Variants in DPP10 observed in about 807,000 individuals in gnomAD.
DPP10 encodes the protein dipeptidyl peptidase like 10.
Under a neutral mutation model 120.9 loss-of-function variants are expected in DPP10, and 33 were observed. The ratio of observed to expected loss-of-function variants is 0.27; its 90% CI spans 0.21 to 0.37. The LOEUF is 0.37. Among genes scored for constraint, DPP10 ranks in the 10% least tolerant of loss-of-function variants. The pLI, the probability that DPP10 is intolerant of heterozygous loss-of-function variation, is 1.00. For missense variants in DPP10, 816 were observed against 942.8 expected (o/e 0.87, Z 1.76); for synonymous variants, 337 against 326.1 (o/e 1.03, Z -0.36).
intron 1 of DPP10, among the ~76,000 whole-genome samples, chr2:114,550,354 G>A (rs1687784673): frequency 6.6e-6 from 1 of 152,198 alleles, no homozygotes; most frequent in Admixed American, 6.5e-5. Flanking sequence ...ACAAATGTTA[G>A]ATCATTTACT....
intron 8 of DPP10, among the ~76,000 whole-genome samples, chr2:115,738,916 G>A (rs1676927641): frequency 6.6e-6 from 1 of 152,150 alleles, no homozygotes; most frequent in Admixed American, 6.6e-5. Context: ...AACATTTGCT[G>A]AGGTTAAGGG....
At chr2:115,628,465 G>C (rs1004731483) in intron 5 of DPP10, among the ~76,000 whole-genome samples, 14 of 152,210 alleles carry the variant, frequency 9.2e-5, no homozygotes, top group Admixed American at 8.5e-4. Context: ...CCATTCTGTA[G>C]GTTGTCTGTT....
intron 1 of DPP10, among the ~76,000 whole-genome samples, chr2:114,595,392 A>G (rs1262442289): frequency 2.0e-5 from 3 of 152,120 alleles, no homozygotes; most frequent in Admixed American, 6.6e-5. Context: ...ATCATCAATT[A>G]TACTTTGTGA....
chr2:115,802,711 G>T (rs1685413100), intron 19 of DPP10, among the ~76,000 whole-genome samples: 2 of 152,210 alleles, frequency 1.3e-5, no homozygotes, highest in South Asian at 4.1e-4. Context: ...TCAGGAGCAG[G>T]TTGTTTAGTT....
chr2:115,470,199 T>A (rs1211752633), intron 3 of DPP10, among the ~76,000 whole-genome samples: 1 of 152,184 alleles, frequency 6.6e-6, no homozygotes, highest in Admixed American at 6.6e-5. Flanking sequence ...AAAAAGAGAT[T>A]TCCCTGTTAG....
intron 1 of DPP10, among the ~76,000 whole-genome samples, chr2:115,078,710 G>T (rs1465683560): frequency 6.6e-6 from 1 of 152,198 alleles, no homozygotes; most frequent in African/African-American, 2.4e-5. Context: ...TATACAACAC[G>T]GGATTGGTCA....
At chr2:114,928,310 A>G (rs1427298555) in intron 1 of DPP10, among the ~76,000 whole-genome samples, 1 of 152,242 alleles carries the variant, frequency 6.6e-6, no homozygotes, top group East Asian at 1.9e-4. Flanking sequence ...TCAAAATACA[A>G]TTATTGTACA....
chr2:115,148,599 C>T (rs1339932025), intron 1 of DPP10, among the ~76,000 whole-genome samples: 1 of 152,146 alleles, frequency 6.6e-6, no homozygotes, highest in Non-Finnish European at 1.5e-5. Flanking sequence ...GAAGGAATTG[C>T]TCTAAGTGTA....
intron 5 of DPP10, among the ~76,000 whole-genome samples, chr2:115,590,120 T>A (rs1399342751): frequency 6.7e-6 from 1 of 149,182 alleles, no homozygotes; most frequent in Non-Finnish European, 1.5e-5. Flanking sequence ...CCTTTTCTTT[T>A]TTTTTTTTCC....
chr2:115,692,743 C>T (rs1263595781), intron 7 of DPP10, among the ~76,000 whole-genome samples: 1 of 152,040 alleles, frequency 6.6e-6, no homozygotes, highest in Non-Finnish European at 1.5e-5. Flanking sequence ...GAAATATGTA[C>T]ACCATCATAT....
chr2:115,210,556 A>G (rs987753120), intron 1 of DPP10, among the ~76,000 whole-genome samples: 2 of 152,106 alleles, frequency 1.3e-5, no homozygotes, highest in Non-Finnish European at 2.9e-5. Context: ...GTTGGGTCAA[A>G]TGGTATTTCT....
At chr2:115,244,352 T>C (rs1313851329) in intron 1 of DPP10, among the ~76,000 whole-genome samples, 1 of 151,326 alleles carries the variant, frequency 6.6e-6, no homozygotes, top group Non-Finnish European at 1.5e-5. Flanking sequence ...ACAATTGCTA[T>C]AGTTAAGCCA....
At chr2:115,212,849 A>G (rs749043281) in intron 1 of DPP10, among the ~76,000 whole-genome samples, 4 of 152,112 alleles carry the variant, frequency 2.6e-5, no homozygotes, top group Non-Finnish European at 4.4e-5. Context: ...AATGAGTTTA[A>G]TATGTCATTA....
chr2:115,830,329 G>T (rs1176805317), intron 21 of DPP10, among the ~76,000 whole-genome samples: 2 of 144,728 alleles, frequency 1.4e-5, no homozygotes, highest in Non-Finnish European at 3.0e-5. Context: ...CTGCACTCCA[G>T]CCTGGGCAAC....
chr2:115,281,976 T>C (rs7607272), intron 1 of DPP10, among the ~76,000 whole-genome samples: 138,219 of 152,078 alleles, frequency 0.91, 62,861 homozygotes, highest in African/African-American at 0.94. Context: ...GTTGTTGTTA[T>C]TATTATTACA....
At chr2:115,645,996 A>G (rs967900378) in intron 5 of DPP10, among the ~76,000 whole-genome samples, 1 of 152,120 alleles carries the variant, frequency 6.6e-6, no homozygotes, top group African/African-American at 2.4e-5. Flanking sequence ...TTTTTTGTTA[A>G]ATATGATCCT....
intron 11 of DPP10, among the ~76,000 whole-genome samples, chr2:115,755,192 C>T (rs1312070229): frequency 6.6e-6 from 1 of 151,834 alleles, no homozygotes; most frequent in Non-Finnish European, 1.5e-5. Context: ...TGCATTTATA[C>T]AATAACAAAG....
intron 5 of DPP10, among the ~76,000 whole-genome samples, chr2:115,650,977 C>G (rs189133723): frequency 8.5e-4 from 129 of 152,128 alleles, no homozygotes; most frequent in African/African-American, 3.0e-3. Context: ...CCTCTTCAAG[C>G]CTTCCCTAAA....
intron 1 of DPP10, among the ~76,000 whole-genome samples, chr2:115,016,572 A>C (rs1320412866): frequency 6.6e-6 from 1 of 152,114 alleles, no homozygotes; most frequent in Non-Finnish European, 1.5e-5. Context: ...CAGGCAACCT[A>C]CAGAATGGGG....
Sources: allele counts gnomAD v4.1 joint callset (sites outside exome capture counted in the v4.1 genomes callset), GRCh38; gene constraint gnomAD v4.1.1; transcripts MANE v1.5; gene names NCBI Gene and HGNC (gene_info 2026-07-23, HGNC 2026-07-21).